The following ARID1B variants were observed in gnomAD, a reference collection of about 807,000 sequenced individuals.
ARID1B encodes AT-rich interactive domain-containing protein 1B.
Under a neutral mutation model 212.3 loss-of-function variants are expected in ARID1B, and 30 were observed. That is an observed-to-expected ratio of 0.14 (90% CI 0.11 to 0.19). The LOEUF is 0.19. ARID1B is among the 10% of genes least tolerant of loss of function. The pLI, the probability that ARID1B is intolerant of heterozygous loss-of-function variation, is 1.00. For synonymous variants in ARID1B, 1,402 were observed against 1,301.7 expected (o/e 1.08, Z -1.66); for missense variants, 2,891 against 3,204.0 (o/e 0.90, Z 2.36).
chr6:156,903,065 C>T (rs1177605989), intron 3 of ARID1B, among the ~76,000 whole-genome samples: 1 of 152,082 alleles, frequency 6.6e-6, no homozygotes. Context: ...GATCATAAAA[C>T]CGATTTGATT....
At chr6:157,074,916 G>T (rs1784214251) in intron 4 of ARID1B, among the ~76,000 whole-genome samples, 1 of 152,128 alleles carries the variant, frequency 6.6e-6, no homozygotes, top group East Asian at 1.9e-4. Flanking sequence ...AACACACTGG[G>T]TGTCCAGTGC....
chr6:157,108,191 A>G (rs567304519), intron 5 of ARID1B, among the ~76,000 whole-genome samples: 1 of 152,340 alleles, frequency 6.6e-6, no homozygotes, highest in Admixed American at 6.5e-5. Flanking sequence ...TGAATTTGGT[A>G]TGTGAATATT....
At chr6:157,159,359 G>A (rs1194315869) in intron 8 of ARID1B, among the ~76,000 whole-genome samples, 1 of 152,160 alleles carries the variant, frequency 6.6e-6, no homozygotes. Context: ...ACCCCGACAA[G>A]GAGGCCTCTC....
chr6:156,778,194 C>G lies in ARID1B; in HGVS notation c.514C>G (p.His172Asp). ...CCACCAGCAGCACCACCACCACCAC[C>G]ATGCCCACCACCACCACCACCATGC... is the stretch of plus-strand genomic sequence containing the variant. Reference protein sequence around the residue: ...PPHQQHHHHHHAHHHHHHAHH... With the variant: ...PPHQQHHHHHDAHHHHHHAHH... Residue 172 changes from histidine to aspartate, a missense_variant, in exon 1 of 20, where the codon CAT becomes GAT. Around this residue, in one of 7 missense-constraint regions of ARID1B, gnomAD observed 1,643 missense variants for 1,544.0 expected, o/e 1.06. Transcript: ENST00000636930. The G allele has an allele frequency of 6.5e-7, 1 of 1,540,290 alleles. No individual in the cohort carries two copies. Among genetic ancestry groups the G allele is most frequent in the Non-Finnish European group, 8.7e-7 (1 of 1,146,092 alleles).
Position 157,057,395 on chromosome 6 carries a change from A to T in ARID1B, c.2248-27267A>T, listed in dbSNP as rs1412240689. On this transcript the variant is annotated intron_variant, in intron 4 of 19. Coordinates refer to ENST00000636930, the MANE Select transcript of ARID1B (RefSeq NM_001374828.1). Reference sequence around the variant, plus strand: ...CTATCCTTTATCTTTTAAAAAAATCAATCTTTTCAATTATGTTTGCAGGTA... The same window carrying T: ...CTATCCTTTATCTTTTAAAAAAATCTATCTTTTCAATTATGTTTGCAGGTA... Among the ~76,000 whole-genome samples the T allele has an allele frequency of 2.6e-5, 4 of 151,868 alleles. No homozygotes were observed. In the East Asian group the frequency reaches 7.7e-4, roughly 29 times the overall value.
chr6:157,136,094 A>G (rs1409140734), intron 7 of ARID1B, among the ~76,000 whole-genome samples: 3 of 152,182 alleles, frequency 2.0e-5, no homozygotes, highest in African/African-American at 7.2e-5. Context: ...CTATTTTCTA[A>G]GTGTTTTTTA....
chr6:156,808,384 C>G (rs1190361183), intron 1 of ARID1B, among the ~76,000 whole-genome samples: 1 of 152,116 alleles, frequency 6.6e-6, no homozygotes, highest in Non-Finnish European at 1.5e-5. Context: ...TAGGCTATGA[C>G]TTTGTAAATA....
chr6:157,008,658 G>T (rs1250112176), intron 4 of ARID1B, among the ~76,000 whole-genome samples: 1 of 152,146 alleles, frequency 6.6e-6, no homozygotes, highest in Non-Finnish European at 1.5e-5. Flanking sequence ...CTTTGAGTTG[G>T]GTGGGAGGTG....
chr6:156,786,786 G>A (rs1779662351), intron 1 of ARID1B, among the ~76,000 whole-genome samples: 1 of 152,170 alleles, frequency 6.6e-6, no homozygotes, highest in Admixed American at 6.5e-5. Context: ...GCTGGGGTCT[G>A]GGGATTGCTG....
intron 3 of ARID1B, among the ~76,000 whole-genome samples, chr6:156,907,909 A>ACCCC (rs1337371819): frequency 3.2e-5 from 4 of 123,772 alleles, no homozygotes; most frequent in African/African-American, 1.5e-4. Context: ...CTGTCTCAAA[A>ACCCC]AAAAAAAAAA....
At chr6:157,067,937 A>G (rs903574400) in intron 4 of ARID1B, among the ~76,000 whole-genome samples, 3 of 152,184 alleles carry the variant, frequency 2.0e-5, no homozygotes, top group African/African-American at 4.8e-5. Flanking sequence ...GCCATACCCC[A>G]TATGTTTAAG....
At chr6:157,204,214 T>C in intron 19 of ARID1B, 2 of 506,168 alleles carry the variant, frequency 4.0e-6, no homozygotes, top group East Asian at 6.5e-5. Flanking sequence ...CTCTATTTCT[T>C]ATGAGAGAAC....
At chr6:156,986,218 C>A (rs754790472) in intron 4 of ARID1B, among the ~76,000 whole-genome samples, 1 of 152,158 alleles carries the variant, frequency 6.6e-6, no homozygotes, top group African/African-American at 2.4e-5. Context: ...GTCACTCTGA[C>A]CTTCCTCTCA....
At chr6:157,144,910 G>A (rs1346391028) in intron 7 of ARID1B, among the ~76,000 whole-genome samples, 1 of 152,184 alleles carries the variant, frequency 6.6e-6, no homozygotes, top group Non-Finnish European at 1.5e-5. Flanking sequence ...AAGTTTTGAT[G>A]GTATCTGCAA....
chr6:157,167,223 C>G, intron 9 of ARID1B, 38 bp downstream of exon 9: 1 of 1,583,708 alleles, frequency 6.3e-7, no homozygotes, highest in Non-Finnish European at 8.5e-7. Flanking sequence ...GCCCCTCTCT[C>G]TCCCCTCTCC....
At chr6:157,129,777 T>C (rs915486670) in intron 6 of ARID1B, among the ~76,000 whole-genome samples, 6 of 152,130 alleles carry the variant, frequency 3.9e-5, no homozygotes, top group African/African-American at 1.4e-4. Flanking sequence ...ACTGAGTAAA[T>C]AGAAAAAGAA....
chr6:157,176,939 A>G (rs1237331937), intron 11 of ARID1B, among the ~76,000 whole-genome samples: 1 of 152,244 alleles, frequency 6.6e-6, no homozygotes, highest in Non-Finnish European at 1.5e-5. Context: ...TGCTAATTTC[A>G]TTGACTTATA....
chr6:156,881,408 A>G (rs933728704), intron 2 of ARID1B, among the ~76,000 whole-genome samples: 1 of 152,044 alleles, frequency 6.6e-6, no homozygotes. Flanking sequence ...TGGAAAATAG[A>G]CTCCTGCTTA....
At chr6:156,980,249 G>A (rs374888076) in intron 4 of ARID1B, among the ~76,000 whole-genome samples, 2 of 152,090 alleles carry the variant, frequency 1.3e-5, no homozygotes, top group Non-Finnish European at 2.9e-5. Context: ...TTGGTAGGCC[G>A]AGGTGGGTAG....
Sources: gnomAD v4.1 joint callset for allele counts (sites outside exome capture counted in the v4.1 genomes callset) on GRCh38, gnomAD v4.1.1 for gene constraint, gnomAD v4.1.1 regional missense constraint, MANE v1.5 for transcripts, NCBI Gene and HGNC (gene_info 2026-07-23, HGNC 2026-07-21) for gene names.